OPCML: variants seen among roughly 807,000 people sequenced by gnomAD.
OPCML encodes opioid binding protein/cell adhesion molecule like.
OPCML carries 13 observed loss-of-function variants against 37.8 expected under a neutral mutation model. The ratio of observed to expected loss-of-function variants is 0.34; its 90% CI spans 0.22 to 0.55. The LOEUF (loss-of-function observed/expected upper bound fraction) is 0.55. Among genes scored for constraint, OPCML ranks in the 20% least tolerant of loss-of-function variants. The probability of loss-of-function intolerance (pLI) is 0.91; values close to 1 mark genes in which losing one functional copy is unlikely to be tolerated. For synonymous variants in OPCML, 176 were observed against 168.8 expected, an observed-to-expected ratio of 1.04 and a Z score of -0.33; for missense variants, 341 against 435.6, an observed-to-expected ratio of 0.78 and a Z score of 1.93.
intron 2 of OPCML, among the ~76,000 whole-genome samples, chr11:132,896,897 G>A (rs1763113402): frequency 6.6e-6 from 1 of 152,186 alleles, no homozygotes; most frequent in South Asian, 2.1e-4. Context: ...TAAGATGAAG[G>A]ATATGTTGTG....
chr11:132,575,458 C>T (rs7945563), intron 3 of OPCML, among the ~76,000 whole-genome samples: 79,879 of 151,756 alleles, frequency 0.53, 21,596 homozygotes, highest in Admixed American at 0.65. Flanking sequence ...TTACACAAGA[C>T]ATAGACATAA....
intron 1 of OPCML, among the ~76,000 whole-genome samples, chr11:133,038,690 G>A (rs1467876444): frequency 6.6e-6 from 1 of 152,128 alleles, no homozygotes; most frequent in Non-Finnish European, 1.5e-5. Flanking sequence ...GCTAGCAAGT[G>A]GCAGGGCTGA....
intron 1 of OPCML, among the ~76,000 whole-genome samples, chr11:133,531,904 G>T (rs535695918): frequency 6.6e-6 from 1 of 152,118 alleles, no homozygotes; most frequent in African/African-American, 2.4e-5. Context: ...GCAGCAAGAA[G>T]GATTTATGGC....
At chr11:132,723,918 C>A (rs1468593823) in intron 2 of OPCML, among the ~76,000 whole-genome samples, 1 of 152,150 alleles carries the variant, frequency 6.6e-6, no homozygotes, top group Non-Finnish European at 1.5e-5. Flanking sequence ...AAGTTGGTTC[C>A]CAGGCCTTGA....
intron 1 of OPCML, among the ~76,000 whole-genome samples, chr11:132,972,480 C>A (rs1946366756): frequency 6.6e-6 from 1 of 152,206 alleles, no homozygotes; most frequent in Non-Finnish European, 1.5e-5. Context: ...TGCTCCACAA[C>A]ATGTCAGGAT....
At chr11:132,965,558 C>G (rs1042416933) in intron 1 of OPCML, among the ~76,000 whole-genome samples, 1 of 152,078 alleles carries the variant, frequency 6.6e-6, no homozygotes, top group Non-Finnish European at 1.5e-5. Context: ...CTTTTTGAGA[C>G]AGTCTCGCTC....
chr11:132,576,194 C>T (rs750415697), intron 3 of OPCML, among the ~76,000 whole-genome samples: 1 of 151,956 alleles, frequency 6.6e-6, no homozygotes, highest in Non-Finnish European at 1.5e-5. Context: ...TGTCCATTTC[C>T]TTCTCCAGGT....
intron 3 of OPCML, among the ~76,000 whole-genome samples, chr11:132,618,597 C>T (rs993795251): frequency 1.2e-4 from 19 of 152,208 alleles, no homozygotes; most frequent in African/African-American, 4.6e-4. Flanking sequence ...AGATTGTTCA[C>T]ACTGAACGGA....
At chr11:133,010,927 C>T (rs148987009) in intron 1 of OPCML, among the ~76,000 whole-genome samples, 1 of 152,102 alleles carries the variant, frequency 6.6e-6, no homozygotes, top group Non-Finnish European at 1.5e-5. Flanking sequence ...TGTGTAAGTT[C>T]GTAATAAGTT....
At chr11:133,112,720 A>T (rs901805853) in intron 1 of OPCML, among the ~76,000 whole-genome samples, 3 of 152,160 alleles carry the variant, frequency 2.0e-5, no homozygotes, top group Non-Finnish European at 2.9e-5. Flanking sequence ...TCTTTCTCTC[A>T]CACTGTAGTG....
chr11:133,529,173 A>G (rs995100132), intron 1 of OPCML, among the ~76,000 whole-genome samples: 3 of 152,240 alleles, frequency 2.0e-5, no homozygotes, highest in African/African-American at 7.2e-5. Flanking sequence ...TGACAGACAG[A>G]GTGGTTTGCA....
chr11:132,861,930 G>A (rs141091760), intron 2 of OPCML, among the ~76,000 whole-genome samples: 28 of 151,270 alleles, frequency 1.9e-4, no homozygotes, highest in East Asian at 1.9e-4. Flanking sequence ...TACTCCTACT[G>A]GATGCTGGTA....
chr11:132,472,951 G>A (rs921251532), intron 4 of OPCML, among the ~76,000 whole-genome samples: 4 of 152,228 alleles, frequency 2.6e-5, no homozygotes, highest in African/African-American at 9.7e-5. Context: ...ACCACCAGGG[G>A]ATTCTTTCTA....
chr11:133,232,548 AGGTGT>A (rs1040196030), intron 1 of OPCML, among the ~76,000 whole-genome samples: 8 of 152,090 alleles, frequency 5.3e-5, no homozygotes, highest in African/African-American at 1.9e-4. Context: ...AAGAGATTCC[AGGTGT>A]GAATCTCATG....
At chr11:133,435,553 A>G (rs1351918139) in intron 1 of OPCML, among the ~76,000 whole-genome samples, 1 of 152,232 alleles carries the variant, frequency 6.6e-6, no homozygotes, top group African/African-American at 2.4e-5. Flanking sequence ...TAACAAATAA[A>G]TAACATCCTC....
intron 2 of OPCML, among the ~76,000 whole-genome samples, chr11:132,919,737 A>G (rs1485071785): frequency 1.3e-5 from 2 of 152,132 alleles, no homozygotes; most frequent in Non-Finnish European, 2.9e-5. Flanking sequence ...TCGGAATTAC[A>G]AGCTTTTTAA....
At chr11:133,056,884 C>T (rs929468532) in intron 1 of OPCML, among the ~76,000 whole-genome samples, 2 of 152,180 alleles carry the variant, frequency 1.3e-5, no homozygotes, top group African/African-American at 4.8e-5. Context: ...GCTCTTGTTG[C>T]CCAGGCTGGA....
chr11:132,821,238 G>A (rs1026986070), intron 2 of OPCML, among the ~76,000 whole-genome samples: 57 of 152,304 alleles, frequency 3.7e-4, no homozygotes, highest in Non-Finnish European at 5.1e-4. Context: ...CATCAGGGCT[G>A]GGGAATGTCC....
intron 2 of OPCML, among the ~76,000 whole-genome samples, chr11:132,902,540 G>A (rs1565950148): frequency 1.3e-5 from 2 of 152,246 alleles, no homozygotes; most frequent in South Asian, 4.1e-4. Context: ...TGGGGGAGAA[G>A]AAAAACAAGA....
Sources: allele counts gnomAD v4.1 joint callset (sites outside exome capture counted in the v4.1 genomes callset), GRCh38; gene constraint gnomAD v4.1.1; transcripts MANE v1.5; gene names NCBI Gene and HGNC (gene_info 2026-07-23, HGNC 2026-07-21).